NOVA1: variants seen among roughly 807,000 people sequenced by gnomAD.
The protein encoded by NOVA1 is NOVA alternative splicing regulator 1.
A neutral mutation model predicts 38.0 loss-of-function variants in NOVA1; 7 were observed. That is an observed-to-expected ratio of 0.18 (90% CI 0.10 to 0.35). The LOEUF (loss-of-function observed/expected upper bound fraction) is 0.35, where lower values mean the gene tolerates loss of function less well. NOVA1 is among the 10% of genes least tolerant of loss of function. The pLI is 1.00. For missense variants in NOVA1, 460 were observed against 616.0 expected, an observed-to-expected ratio of 0.75 and a Z score of 2.68; for synonymous variants, 270 against 232.5, an observed-to-expected ratio of 1.16 and a Z score of -1.47.
At chr14:26,492,740 G>A (rs1437387033) in intron 2 of NOVA1, among the ~76,000 whole-genome samples, 29 of 152,088 alleles carry the variant, frequency 1.9e-4, no homozygotes, top group Non-Finnish European at 2.9e-5. Context: ...GCCGAGGTAG[G>A]CGGATCACTT....
chr14:26,521,674 T>G (rs1257906820), intron 2 of NOVA1, among the ~76,000 whole-genome samples: 1 of 152,066 alleles, frequency 6.6e-6, no homozygotes, highest in Non-Finnish European at 1.5e-5. Flanking sequence ...GATATAATAG[T>G]ATGAAAATAT....
intron 1 of NOVA1, 132 bp from the exon 2 acceptor site, chr14:26,595,685 T>G: frequency 1.4e-6 from 1 of 700,936 alleles, no homozygotes; most frequent in Admixed American, 3.3e-5. Context: ...AGTTAAACAT[T>G]TTTTGAGAAT....
intron 2 of NOVA1, among the ~76,000 whole-genome samples, chr14:26,534,885 T>C (rs1259345722): frequency 2.6e-5 from 4 of 151,702 alleles, no homozygotes; most frequent in Non-Finnish European, 5.9e-5. Context: ...GGGCTGAGAG[T>C]CAAGGAAAGG....
chr14:26,565,514 A>C (rs1298083928), intron 2 of NOVA1, among the ~76,000 whole-genome samples: 1 of 152,086 alleles, frequency 6.6e-6, no homozygotes, highest in Non-Finnish European at 1.5e-5. Context: ...TTGTGTATGC[A>C]GTCTGTCATT....
chr14:26,502,654 G>A (rs1779949066), intron 2 of NOVA1, among the ~76,000 whole-genome samples: 1 of 149,622 alleles, frequency 6.7e-6, no homozygotes, highest in Non-Finnish European at 1.5e-5. Context: ...GCAGAAACTG[G>A]AGAGTTAACG....
intron 4 of NOVA1, chr14:26,471,976 C>A: frequency 2.9e-6 from 1 of 344,562 alleles, no homozygotes; most frequent in Non-Finnish European, 5.1e-6. Context: ...ATATGATATC[C>A]TTAACTTACA....
rs765098992 is a variant in NOVA1, at chr14:26,447,923, G to A, written c.*36C>T. 2 of 1,548,672 alleles carry A rather than the reference G, an allele frequency of 1.3e-6. No individual in the cohort carries two copies. The highest frequency in any genetic ancestry group is 1.8e-6 in the Non-Finnish European group (2 of 1,122,814). ...CATCCTTCTTGAAAATGGGGTAAAG[G>A]AGGGGTTAAAACAATCTGATGTGTA... On this transcript the variant is annotated 3_prime_UTR_variant, in exon 5 of 5. Transcript: ENST00000539517.
At chr14:26,551,748 CA>C (rs1272151829) in intron 2 of NOVA1, among the ~76,000 whole-genome samples, 1 of 151,918 alleles carries the variant, frequency 6.6e-6, no homozygotes, top group Non-Finnish European at 1.5e-5. Context: ...CAAGGGATCA[CA>C]TTTTTTTAAA....
At chr14:26,485,815 T>C (rs1885841627) in intron 2 of NOVA1, among the ~76,000 whole-genome samples, 1 of 152,182 alleles carries the variant, frequency 6.6e-6, no homozygotes, top group Admixed American at 6.5e-5. Flanking sequence ...GAAATATTAA[T>C]GTTAGTGTAG....
At chr14:26,464,949 T>C (rs1883994654) in intron 4 of NOVA1, among the ~76,000 whole-genome samples, 2 of 152,154 alleles carry the variant, frequency 1.3e-5, no homozygotes, top group Non-Finnish European at 1.5e-5. Flanking sequence ...TGATACATAC[T>C]AGGTTGAGCC....
chr14:26,450,854 T>G (rs1394835934), intron 4 of NOVA1, among the ~76,000 whole-genome samples: 1 of 152,198 alleles, frequency 6.6e-6, no homozygotes, highest in Non-Finnish European at 1.5e-5. Flanking sequence ...TGTATTTTTA[T>G]GGATAAGCAA....
At chr14:26,499,788 A>T (rs559846235) in intron 2 of NOVA1, among the ~76,000 whole-genome samples, 1 of 152,150 alleles carries the variant, frequency 6.6e-6, no homozygotes, top group Non-Finnish European at 1.5e-5. Context: ...TGTGTGACTT[A>T]TAAAGTGTTT....
intron 2 of NOVA1, among the ~76,000 whole-genome samples, chr14:26,579,310 C>A (rs1893066251): frequency 1.3e-5 from 2 of 152,056 alleles, no homozygotes; most frequent in Admixed American, 1.3e-4. Flanking sequence ...CCTGCCTCGG[C>A]CTCCCAAATG....
chr14:26,516,937 G>C (rs909343185), intron 2 of NOVA1, among the ~76,000 whole-genome samples: 1 of 127,292 alleles, frequency 7.9e-6, no homozygotes, highest in Admixed American at 1.0e-4. Flanking sequence ...ATGGAGTCTC[G>C]CTCTGTTGCC....
chr14:26,492,089 C>T (rs1304490229), intron 2 of NOVA1, among the ~76,000 whole-genome samples: 3 of 152,128 alleles, frequency 2.0e-5, no homozygotes, highest in Non-Finnish European at 4.4e-5. Flanking sequence ...CTTAGGTCTT[C>T]AGTTTTGTAC....
At chr14:26,475,923 T>C (rs1019700432) in intron 3 of NOVA1, among the ~76,000 whole-genome samples, 5 of 152,090 alleles carry the variant, frequency 3.3e-5, no homozygotes, top group African/African-American at 1.2e-4. Flanking sequence ...TCTGCAGTAA[T>C]AGACTGTCAA....
At chr14:26,499,966 A>C (rs1470076850) in intron 2 of NOVA1, among the ~76,000 whole-genome samples, 2 of 152,078 alleles carry the variant, frequency 1.3e-5, no homozygotes, top group African/African-American at 4.8e-5. Flanking sequence ...TAGTAATTAC[A>C]CTGGTTTTCA....
At chr14:26,466,227 G>A (rs550128674) in intron 4 of NOVA1, among the ~76,000 whole-genome samples, 1 of 152,334 alleles carries the variant, frequency 6.6e-6, no homozygotes, top group Admixed American at 6.5e-5. Context: ...AGGAAATAAA[G>A]AGATTATGTG....
intron 2 of NOVA1, among the ~76,000 whole-genome samples, chr14:26,559,111 A>T (rs1218817005): frequency 6.6e-6 from 1 of 152,118 alleles, no homozygotes; most frequent in Non-Finnish European, 1.5e-5. Context: ...ATTTCTCTGA[A>T]GCATGTAGAT....
Sources: gnomAD v4.1 joint callset for allele counts (sites outside exome capture counted in the v4.1 genomes callset) on GRCh38, gnomAD v4.1.1 for gene constraint, MANE v1.5 for transcripts, NCBI Gene and HGNC (gene_info 2026-07-23, HGNC 2026-07-21) for gene names.